PACC1: variants seen among roughly 807,000 people sequenced by gnomAD.
The protein encoded by PACC1 is proton-activated chloride channel.
In PACC1, 34 loss-of-function variants were observed where a neutral mutation model predicts 39.7. That is an observed-to-expected ratio of 0.86 (90% CI 0.65 to 1.14). The LOEUF (loss-of-function observed/expected upper bound fraction) is 1.14. Among genes scored for constraint, PACC1 ranks in the 50% most tolerant of loss-of-function variants. PACC1 has a pLI of 0.00. For synonymous variants in PACC1, 127 were observed against 160.6 expected (o/e 0.79, Z 1.58); for missense variants, 379 against 436.4 (o/e 0.87, Z 1.17).
At chr1:212,400,593 A>C (rs1445876823) in intron 2 of PACC1, among the ~76,000 whole-genome samples, 1 of 152,180 alleles carries the variant, frequency 6.6e-6, no homozygotes, top group Non-Finnish European at 1.5e-5. Flanking sequence ...TCCAATTCCA[A>C]AACTAGACAC....
chr1:212,376,425 T>A (rs928914189), intron 6 of PACC1, among the ~76,000 whole-genome samples: 3 of 152,206 alleles, frequency 2.0e-5, no homozygotes, highest in African/African-American at 7.2e-5. Flanking sequence ...AATGTACAGG[T>A]TCACTAGAGT....
intron 7 of PACC1, among the ~76,000 whole-genome samples, chr1:212,374,119 T>C (rs920143463): frequency 2.6e-5 from 4 of 151,832 alleles, no homozygotes; most frequent in African/African-American, 9.7e-5. Context: ...GTAGCACTAT[T>C]CACAACAGCC....
At chr1:212,399,606 A>C (rs1161190659) in intron 2 of PACC1, among the ~76,000 whole-genome samples, 3 of 151,954 alleles carry the variant, frequency 2.0e-5, no homozygotes, top group African/African-American at 7.3e-5. Context: ...CAGTGGCATG[A>C]TTTTTGGCTC....
At chr1:212,412,927 T>A (rs907672966) in intron 1 of PACC1, among the ~76,000 whole-genome samples, 2 of 152,218 alleles carry the variant, frequency 1.3e-5, no homozygotes, top group Non-Finnish European at 2.9e-5. Flanking sequence ...ACTTTTATTA[T>A]CTTCATCTTT....
chr1:212,401,730 G>A (rs1260454906), intron 2 of PACC1, among the ~76,000 whole-genome samples: 13 of 144,698 alleles, frequency 9.0e-5, no homozygotes, highest in Non-Finnish European at 1.8e-4. Flanking sequence ...CTGGAGTGCA[G>A]TGGCACCATC....
intron 6 of PACC1, 135 bp downstream of exon 6, chr1:212,377,427 C>G: frequency 8.3e-7 from 1 of 1,204,508 alleles, no homozygotes; most frequent in East Asian, 2.4e-5. Flanking sequence ...CATGGGAGTC[C>G]CTTCTCATCC....
chr1:212,407,184 C>A (rs920233128), intron 2 of PACC1, among the ~76,000 whole-genome samples: 3 of 152,136 alleles, frequency 2.0e-5, no homozygotes, highest in African/African-American at 7.2e-5. Flanking sequence ...GCCCTTTAAA[C>A]ACAGAAAAGG....
rs1325120806 is a variant in PACC1, at chr1:212,385,272, A to G, written c.495+2T>C. 1 of 1,613,928 alleles carries G rather than the reference A, an allele frequency of 6.2e-7. No individual in the cohort carries two copies. Among genetic ancestry groups the G allele is most frequent in the Non-Finnish European group, 8.5e-7 (1 of 1,179,992 alleles). ...GACCCAGCTCAGGCAGACAGGAATT[A>G]CCACAGTCTGATTGGAGAAGGGGTC... On this transcript the variant is annotated splice_donor_variant, in intron 4 of 7. Coordinates refer to ENST00000261455, the MANE Select transcript of PACC1 (RefSeq NM_018252.3). LOFTEE classifies it high-confidence loss of function.
intron 2 of PACC1, among the ~76,000 whole-genome samples, chr1:212,403,808 A>G (rs1309380271): frequency 6.6e-6 from 1 of 151,690 alleles, no homozygotes; most frequent in Admixed American, 6.6e-5. Context: ...CAAGTGACTC[A>G]CCCGCCTCAG....
intron 2 of PACC1, among the ~76,000 whole-genome samples, chr1:212,400,391 T>C (rs931874799): frequency 6.6e-6 from 1 of 152,162 alleles, no homozygotes; most frequent in Non-Finnish European, 1.5e-5. Flanking sequence ...ATCACTGCAA[T>C]TCATCTGGGA....
chr1:212,414,322 G>C (rs1190616995), intron 1 of PACC1, among the ~76,000 whole-genome samples: 1 of 152,208 alleles, frequency 6.6e-6, no homozygotes, highest in Non-Finnish European at 1.5e-5. Flanking sequence ...AGATCTCGCC[G>C]GGAGGAGGGC....
intron 2 of PACC1, among the ~76,000 whole-genome samples, chr1:212,408,589 T>C (rs1030764863): frequency 6.6e-6 from 1 of 152,190 alleles, no homozygotes; most frequent in African/African-American, 2.4e-5. Context: ...CTTGAACTCC[T>C]GACCTCAGGT....
chr1:212,386,821 C>G lies in PACC1; in HGVS notation c.343+70G>C, dbSNP rs188760151. On this transcript the variant is annotated intron_variant, in intron 3 of 7. Transcript: ENST00000261455. The surrounding 1 kb of genome is among the most constrained non-coding windows in gnomAD (Gnocchi z 5.0). ...CGTAGTACCACAAATACAACGGCAG[C>G]TCAGGGAGTATCTGCCAGCTGACAC... The G allele has an allele frequency of 4.1e-6, 6 of 1,474,058 alleles. No individual in the cohort carries two copies. The African/African-American group carries it at 4.2e-5, about 10-fold the overall frequency. The allele number at this position is 1,474,058 out of a possible 1,614,324, so 91.3% of individuals were successfully genotyped here.
Position 212,389,239 on chromosome 1 carries a change from C to A in PACC1, c.134-2139G>T, listed in dbSNP as rs113805371. Among the ~76,000 whole-genome samples the A allele has an allele frequency of 3.1e-3, 474 of 152,200 alleles. 2 individuals are homozygous for A. The highest frequency in any genetic ancestry group is 0.011 in the African/African-American group (456 of 41,518). ...AGCAGCCAGAAAGTTAAGACAAAAC[C>A]ATGAAAGGGAGGGAGCCACACAGGG... On this transcript the variant is annotated intron_variant, in intron 2 of 7. Transcript: ENST00000261455.
chr1:212,374,783 G>C (rs553528504), intron 7 of PACC1, among the ~76,000 whole-genome samples: 2 of 152,198 alleles, frequency 1.3e-5, no homozygotes, highest in African/African-American at 4.8e-5. Flanking sequence ...GAACCATTAA[G>C]AAAAAGAATA....
intron 2 of PACC1, among the ~76,000 whole-genome samples, chr1:212,406,269 C>A (rs1047649697): frequency 7.9e-5 from 12 of 152,246 alleles, no homozygotes; most frequent in Non-Finnish European, 1.5e-4. Flanking sequence ...GTAATCCCAG[C>A]ACTTTGGGAA....
intron 7 of PACC1, 79 bp from the exon 8 acceptor site, chr1:212,365,455 GAGTTTCGCTCTTGTCACCC>G: frequency 7.3e-7 from 1 of 1,377,740 alleles, no homozygotes; most frequent in South Asian, 1.5e-5. Flanking sequence ...TTTTGAGATG[GAGTTTCGCTCTTGTCACCC>G]AGGCTTGTGT....
At position 212,385,497 on chromosome 1, in the gene PACC1, C is replaced by G. The variant is rs1400776325; in HGVS notation, c.344-72G>C. The G allele has an allele frequency of 3.9e-6, 6 of 1,528,052 alleles. No individual in the cohort carries two copies. In the East Asian group the frequency reaches 1.4e-4, roughly 35 times the overall value. The allele number at this position is 1,528,052 out of a possible 1,614,324, so 94.7% of individuals were successfully genotyped here. ...ACCACATCCCTGAAATCATCTCACA[C>G]CTACCAACAACCTACGTTCTGGACT... On this transcript the variant is annotated intron_variant, in intron 3 of 7. Coordinates refer to ENST00000261455, the MANE Select transcript of PACC1 (RefSeq NM_018252.3).
intron 2 of PACC1, among the ~76,000 whole-genome samples, chr1:212,404,406 C>A (rs1302576207): frequency 6.6e-6 from 1 of 151,644 alleles, no homozygotes; most frequent in Non-Finnish European, 1.5e-5. Flanking sequence ...GCACCCAGCC[C>A]CAATCCTTTT....
Sources: gnomAD v4.1 joint callset for allele counts (sites outside exome capture counted in the v4.1 genomes callset) on GRCh38, gnomAD v4.1.1 for gene constraint, Gnocchi (gnomAD v3.1) non-coding constraint, MANE v1.5 for transcripts, NCBI Gene and HGNC (gene_info 2026-07-23, HGNC 2026-07-21) for gene names.